NDUFAB1: variants seen among roughly 807,000 people sequenced by gnomAD.
NDUFAB1 encodes the protein acyl carrier protein, mitochondrial.
In NDUFAB1, 5 loss-of-function variants were observed where a neutral mutation model predicts 16.1. The ratio of observed to expected loss-of-function variants is 0.31; its 90% CI spans 0.16 to 0.65. The LOEUF (loss-of-function observed/expected upper bound fraction) is 0.65. Ranked by LOEUF, NDUFAB1 falls within the 30% of genes least tolerant of loss-of-function variation. The pLI is 0.77. For missense variants in NDUFAB1, 187 were observed against 205.3 expected (o/e 0.91, Z 0.54); for synonymous variants, 85 against 78.4 (o/e 1.08, Z -0.44).
rs1429164781 is a variant in NDUFAB1 at position 23,596,314 on chromosome 16, T to C, written c.-24A>G. 3.3e-6 allele frequency: 5 copies of C among 1,521,280 alleles called. No individual in the cohort carries two copies. In the South Asian group the frequency reaches 4.9e-5, roughly 15 times the overall value. 94.2% of individuals were successfully genotyped at this position (1,521,280 alleles called of 1,614,324 possible). On this transcript the variant is annotated 5_prime_UTR_variant, in exon 1 of 5. Transcript: ENST00000007516. ...ATGGCTACGCCAACCCAGGATGCAC[T>C]GCGCCGCCGCCTCCGGACCAGGGTT...
At chr16:23,590,411 A>G (rs1049106065) in intron 1 of NDUFAB1, among the ~76,000 whole-genome samples, 4 of 152,148 alleles carry the variant, frequency 2.6e-5, no homozygotes, top group Non-Finnish European at 4.4e-5. Flanking sequence ...CTCATCTGTA[A>G]AATGGGGATA....
intron 1 of NDUFAB1, among the ~76,000 whole-genome samples, chr16:23,590,382 C>A (rs1291376241): frequency 1.3e-5 from 2 of 152,156 alleles, no homozygotes; most frequent in South Asian, 2.1e-4. Context: ...GGTTACTTAA[C>A]CTTCTACATC....
Position 23,587,270 on chromosome 16 carries a change from G to A in NDUFAB1, c.218C>T (p.Pro73Leu), listed in dbSNP as rs752474527. 3.7e-6 allele frequency: 6 copies of A among 1,614,094 alleles called. No homozygotes were observed. Among genetic ancestry groups the A allele is most frequent in the Middle Eastern group, 1.6e-4 (1 of 6,062 alleles). The change falls in exon 2 of 5, where the codon CCT becomes CTT. Residue 73 changes from proline (P) to leucine (L), a missense_variant. Transcript: ENST00000007516. ...QLCRQYSDMP[P>L]LTLEGIQDRV... ...GTCCTGGATGCCCTCTAACGTCAAAGGAGGCATGTCGCTATACTGGCGGCA... is the reference window on the plus strand; with the variant it reads ...GTCCTGGATGCCCTCTAACGTCAAAAGAGGCATGTCGCTATACTGGCGGCA...
chr16:23,594,244 A>G (rs926674044), intron 1 of NDUFAB1, among the ~76,000 whole-genome samples: 1 of 152,076 alleles, frequency 6.6e-6, no homozygotes. Context: ...GCAGTGCCCA[A>G]TGAATGAATC....
chr16:23,592,074 C>G (rs1365527167), intron 1 of NDUFAB1, among the ~76,000 whole-genome samples: 1 of 152,128 alleles, frequency 6.6e-6, no homozygotes, highest in Non-Finnish European at 1.5e-5. Context: ...GATGCAATAA[C>G]AAAAGTTGTC....
intron 1 of NDUFAB1, among the ~76,000 whole-genome samples, chr16:23,590,122 A>AC (rs1363602500): frequency 2.6e-5 from 4 of 152,044 alleles, no homozygotes; most frequent in Non-Finnish European, 5.9e-5. Flanking sequence ...GTACACAACT[A>AC]CCCATGAGGC....
chr16:23,592,700 T>C (rs1340305273), intron 1 of NDUFAB1, among the ~76,000 whole-genome samples: 2 of 152,164 alleles, frequency 1.3e-5, no homozygotes, highest in Non-Finnish European at 2.9e-5. Flanking sequence ...GGTTTTTGTT[T>C]TTTTGTTTTT....
intron 2 of NDUFAB1, among the ~76,000 whole-genome samples, chr16:23,585,972 G>C (rs1966229251): frequency 6.6e-6 from 1 of 152,210 alleles, no homozygotes; most frequent in South Asian, 2.1e-4. Flanking sequence ...CTGTCACCCA[G>C]GCTGGAGTGC....
chr16:23,595,350 T>C (rs1306454193), intron 1 of NDUFAB1: 5 of 354,174 alleles, frequency 1.4e-5, no homozygotes, highest in Non-Finnish European at 2.2e-5. Flanking sequence ...AGCTATATAC[T>C]ACAGGTACAG....
chr16:23,586,774 G>A lies in NDUFAB1; in HGVS notation c.291+423C>T, dbSNP rs190615707. Among the ~76,000 whole-genome samples, 203 of 152,158 alleles carry A rather than the reference G, an allele frequency of 1.3e-3. 1 individual carries two copies. Among genetic ancestry groups the A allele is most frequent in the African/African-American group, 4.3e-3 (180 of 41,500 alleles). ...AGTGATTCTGCTGCCTCAGCCTCCC[G>A]AGTAGCTGGGATTACAGGTATGTGC... On this transcript the variant is annotated intron_variant, in intron 2 of 4. Coordinates refer to ENST00000007516, the MANE Select transcript of NDUFAB1 (RefSeq NM_005003.3).
intron 3 of NDUFAB1, among the ~76,000 whole-genome samples, chr16:23,585,020 G>A (rs559009937): frequency 1.7e-4 from 26 of 152,162 alleles, no homozygotes; most frequent in Admixed American, 3.3e-4. Flanking sequence ...CATGTGTTCC[G>A]GGGAGGCTTT....
intron 1 of NDUFAB1, chr16:23,595,494 C>T (rs1294365079): frequency 2.3e-6 from 1 of 442,482 alleles, no homozygotes; most frequent in Non-Finnish European, 4.6e-6. Context: ...CGCGGGGCGG[C>T]ACATCCCGTA....
chr16:23,596,189 G>C lies in NDUFAB1; in HGVS notation c.102C>G (p.Thr34=). ...TCTGGGTCCCCGCGGAGCAGAGAGCGGTGCTGAGAGGCCGGGCCACGGCCA... is the reference window on the plus strand; with the variant it reads ...TCTGGGTCCCCGCGGAGCAGAGAGCCGTGCTGAGAGGCCGGGCCACGGCCA... ...RMLAVARPLS[T]ALCSAGTQTR... The change falls in exon 1 of 5, where the codon ACC becomes ACG. Residue 34 remains threonine, a synonymous_variant. Transcript: ENST00000007516. The C allele has an allele frequency of 6.2e-7, 1 of 1,610,796 alleles. No homozygotes were observed. Among genetic ancestry groups the C allele is most frequent in the Non-Finnish European group, 8.5e-7 (1 of 1,178,974 alleles).
At chr16:23,587,404 GA>G in intron 1 of NDUFAB1, 85 bp from the exon 2 acceptor site, 1 of 1,515,616 alleles carries the variant, frequency 6.6e-7, no homozygotes, top group South Asian at 1.2e-5. Context: ...AACTTTCACA[GA>G]ACTTTCGGGG....
intron 1 of NDUFAB1, among the ~76,000 whole-genome samples, chr16:23,594,853 A>AAAC (rs1966310140): frequency 6.6e-6 from 1 of 152,100 alleles, no homozygotes; most frequent in African/African-American, 2.4e-5. Context: ...GAAGTCTATG[A>AAAC]CTTTGAAAAG....
chr16:23,582,516 T>C (rs1966188725), intron 3 of NDUFAB1, 141 bp from the exon 4 acceptor site: 1 of 1,165,054 alleles, frequency 8.6e-7, no homozygotes, highest in Non-Finnish European at 1.1e-6. Flanking sequence ...TGTGGGCCAG[T>C]TAGCTTCTAG....
At chr16:23,592,939 A>C (rs182892291) in intron 1 of NDUFAB1, among the ~76,000 whole-genome samples, 15 of 152,334 alleles carry the variant, frequency 9.8e-5, no homozygotes, top group Admixed American at 2.0e-4. Context: ...CAATAACAGA[A>C]ACCAGGAGTG....
intron 1 of NDUFAB1, chr16:23,591,263 G>A (rs1274426593): frequency 6.6e-6 from 1 of 152,202 alleles, no homozygotes; most frequent in Non-Finnish European, 1.5e-5. Flanking sequence ...CACTTAACAA[G>A]TATATGGGAA....
intron 1 of NDUFAB1, among the ~76,000 whole-genome samples, chr16:23,587,915 C>T (rs1966247158): frequency 6.6e-6 from 1 of 152,268 alleles, no homozygotes; most frequent in Non-Finnish European, 1.5e-5. Flanking sequence ...TCCCTTCCAG[C>T]GAGGCTTGCC....
Sources: allele counts gnomAD v4.1 joint callset (sites outside exome capture counted in the v4.1 genomes callset), GRCh38; gene constraint gnomAD v4.1.1; transcripts MANE v1.5; gene names NCBI Gene and HGNC (gene_info 2026-07-23, HGNC 2026-07-21).